ACSL5: variants seen among roughly 807,000 people sequenced by gnomAD.
ACSL5 encodes long-chain-fatty-acid--CoA ligase 5.
ACSL5 carries 50 observed loss-of-function variants against 84.9 expected under a neutral mutation model. The observed-to-expected ratio is 0.59, with a 90% CI of 0.47 to 0.75. The LOEUF (loss-of-function observed/expected upper bound fraction) is 0.75, where lower values mean the gene tolerates loss of function less well. Ranked by LOEUF, ACSL5 falls within the 30% of genes least tolerant of loss-of-function variation. The probability of loss-of-function intolerance (pLI) is 0.00; values close to 1 mark genes in which losing one functional copy is unlikely to be tolerated. For missense variants in ACSL5, 775 were observed against 830.4 expected, an observed-to-expected ratio of 0.93 and a Z score of 0.82; for synonymous variants, 280 against 300.7, an observed-to-expected ratio of 0.93 and a Z score of 0.71.
chr10:112,421,190 G>A (rs546356193), intron 14 of ACSL5, among the ~76,000 whole-genome samples: 3 of 151,040 alleles, frequency 2.0e-5, no homozygotes, highest in South Asian at 2.1e-4. Context: ...ACGGAGTCTC[G>A]CTCTGTCACC....
At chr10:112,401,430 G>A (rs971339036) in intron 3 of ACSL5, among the ~76,000 whole-genome samples, 3 of 152,200 alleles carry the variant, frequency 2.0e-5, no homozygotes, top group African/African-American at 7.2e-5. Context: ...ACTTCCAGGG[G>A]ATTCTGTATA....
chr10:112,394,681 T>C (rs769254646), intron 1 of ACSL5: 23 of 927,030 alleles, frequency 2.5e-5, no homozygotes, highest in Non-Finnish European at 2.7e-5. Flanking sequence ...CCCTGCTCTG[T>C]GTGAGGACAG....
chr10:112,376,471 G>A, intron 1 of ACSL5: 1 of 1,613,936 alleles, frequency 6.2e-7, no homozygotes, highest in Non-Finnish European at 8.5e-7. Flanking sequence ...TCGAGGGGGT[G>A]TTATTCAGCA....
intron 1 of ACSL5, 164 bp from the exon 2 acceptor site, chr10:112,394,754 G>A: frequency 2.0e-6 from 2 of 985,092 alleles, no homozygotes; most frequent in Non-Finnish European, 1.2e-6. Flanking sequence ...AACACTGGGG[G>A]AAATTCTGCC....
intron 2 of ACSL5, among the ~76,000 whole-genome samples, chr10:112,397,497 C>T (rs1047496872): frequency 6.6e-6 from 1 of 152,032 alleles, no homozygotes; most frequent in Non-Finnish European, 1.5e-5. Context: ...TTGAATACGC[C>T]GTCCTCTAGC....
intron 12 of ACSL5, among the ~76,000 whole-genome samples, chr10:112,416,197 C>T (rs563515200): frequency 7.9e-5 from 12 of 152,076 alleles, no homozygotes; most frequent in Non-Finnish European, 1.5e-4. Context: ...CTGGGCCGGG[C>T]GTGGTGGCTC....
chr10:112,419,314 C>G (rs1844401256), intron 14 of ACSL5: 1 of 152,114 alleles, frequency 6.6e-6, no homozygotes, highest in Admixed American at 6.5e-5. Context: ...CACCAAACAT[C>G]TTTCTATTGC....
chr10:112,422,142 G>A, intron 16 of ACSL5, 107 bp downstream of exon 16: 1 of 1,323,832 alleles, frequency 7.6e-7, no homozygotes, highest in Non-Finnish European at 1.1e-6. Flanking sequence ...GAGATTGTTA[G>A]CAAAGAATTA....
intron 1 of ACSL5, among the ~76,000 whole-genome samples, chr10:112,375,920 T>C (rs1298599749): frequency 1.3e-5 from 2 of 152,190 alleles, no homozygotes; most frequent in African/African-American, 2.4e-5. Flanking sequence ...AGCCAGACTT[T>C]CCTGTCCTCC....
chr10:112,425,537 T>C, intron 18 of ACSL5, 56 bp downstream of exon 18: 2 of 1,413,076 alleles, frequency 1.4e-6, no homozygotes, highest in South Asian at 1.6e-5. Context: ...CTGGTTCTTG[T>C]AGCTACAGGA....
chr10:112,385,009 T>A (rs1017984202), intron 1 of ACSL5, among the ~76,000 whole-genome samples: 1 of 152,292 alleles, frequency 6.6e-6, no homozygotes, highest in Admixed American at 6.5e-5. Context: ...CAGAATTCCA[T>A]TGTGTGGAAG....
intron 1 of ACSL5, among the ~76,000 whole-genome samples, chr10:112,390,622 C>T (rs1326589346): frequency 6.6e-6 from 1 of 151,694 alleles, no homozygotes; most frequent in East Asian, 1.9e-4. Context: ...AAAGTAGAAA[C>T]AACCCAGATA....
chr10:112,405,905 T>A (rs758989978), intron 5 of ACSL5, among the ~76,000 whole-genome samples: 1 of 152,108 alleles, frequency 6.6e-6, no homozygotes, highest in African/African-American at 2.4e-5. Context: ...AAGTGGATCA[T>A]TATAAAGGTC....
At chr10:112,407,755 T>A (rs916407635) in intron 5 of ACSL5, among the ~76,000 whole-genome samples, 1 of 152,104 alleles carries the variant, frequency 6.6e-6, no homozygotes, top group Non-Finnish European at 1.5e-5. Context: ...ATCCTACTAG[T>A]CCTCTAAAGC....
At chr10:112,404,864 A>C in intron 5 of ACSL5, 58 bp downstream of exon 5, 1 of 1,439,558 alleles carries the variant, frequency 6.9e-7, no homozygotes, top group Non-Finnish European at 9.6e-7. Flanking sequence ...AAAAACTTCA[A>C]ATGCTATTCC....
chr10:112,397,173 T>C (rs541115537), intron 2 of ACSL5, among the ~76,000 whole-genome samples: 43 of 147,910 alleles, frequency 2.9e-4, no homozygotes, highest in African/African-American at 8.8e-4. Context: ...CTTTTTCTTT[T>C]TTTTTTTTTT....
chr10:112,413,312 TA>T lies in ACSL5; in HGVS notation c.1083+7del. The T allele has an allele frequency of 6.2e-7, 1 of 1,614,012 alleles. No individual in the cohort carries two copies. The highest frequency in any genetic ancestry group is 8.5e-7 in the Non-Finnish European group (1 of 1,179,900). Reference sequence around the variant, plus strand: ...CTTAACAGGATCTACGATAAGGTACTAACTTTCAGCTGAAGGGACTGTCTGT... The same window carrying T: ...CTTAACAGGATCTACGATAAGGTACTACTTTCAGCTGAAGGGACTGTCTGT... On this transcript the variant is annotated splice_donor_region_variant and intron_variant, in intron 12 of 20. Coordinates refer to ENST00000354655, the MANE Select transcript of ACSL5 (RefSeq NM_203379.2).
intron 3 of ACSL5, among the ~76,000 whole-genome samples, chr10:112,401,648 C>T (rs1006905942): frequency 6.6e-5 from 10 of 152,132 alleles, no homozygotes; most frequent in Non-Finnish European, 1.2e-4. Flanking sequence ...GAGTTGTTGC[C>T]CCTTTGGGCT....
intron 1 of ACSL5, among the ~76,000 whole-genome samples, chr10:112,388,628 GC>G (rs1281701971): frequency 1.3e-5 from 2 of 152,158 alleles, no homozygotes; most frequent in Non-Finnish European, 2.9e-5. Flanking sequence ...CAGAGACACA[GC>G]AGTAAACAAA....
Sources: allele counts gnomAD v4.1 joint callset (sites outside exome capture counted in the v4.1 genomes callset), GRCh38; gene constraint gnomAD v4.1.1; transcripts MANE v1.5; gene names NCBI Gene and HGNC (gene_info 2026-07-23, HGNC 2026-07-21).